Variants in SGMS2 observed in about 807,000 individuals in gnomAD.
SGMS2 encodes sphingomyelin synthase 2, also known as phosphatidylcholine:ceramide cholinephosphotransferase 2.
Under a neutral mutation model 43.8 loss-of-function variants are expected in SGMS2, and 21 were observed. That is an observed-to-expected ratio of 0.48 (90% CI 0.34 to 0.69). The LOEUF is 0.69. Ranked by LOEUF, SGMS2 falls within the 30% of genes least tolerant of loss-of-function variation. SGMS2 has a pLI of 0.01. For synonymous variants in SGMS2, 167 were observed against 160.6 expected, an observed-to-expected ratio of 1.04 and a Z score of -0.30; for missense variants, 384 against 443.2, an observed-to-expected ratio of 0.87 and a Z score of 1.20.
In SGMS2 at chr4:107,914,963, GT is replaced by G. The variant is rs1444568359; in HGVS notation, c.*4414del. 2.0e-5 allele frequency: 3 copies of G among 151,894 alleles called. No homozygotes were observed. The highest frequency in any genetic ancestry group is 1.3e-4 in the Admixed American group (2 of 15,236). 9.4% of individuals were successfully genotyped at this position (151,894 alleles called of 1,614,324 possible). On this transcript the variant is annotated 3_prime_UTR_variant, in exon 7 of 7. Coordinates refer to ENST00000690982, the MANE Select transcript of SGMS2 (RefSeq NM_001375905.1). ...GTGTACTTGGTTTCTAATCTCTTTG[GT>G]TTTGCTTTTTAAAAAATGCAAGAGC...
chr4:107,835,667 C>T (rs755657537), intron 1 of SGMS2, among the ~76,000 whole-genome samples: 2 of 152,170 alleles, frequency 1.3e-5, no homozygotes, highest in Non-Finnish European at 2.9e-5. Flanking sequence ...CCAGTATCTC[C>T]ATAACAGAAT....
rs760276923 is a variant in SGMS2 at position 107,879,466 on chromosome 4, AT to A, written c.-244-15832del. ...TAGAAATAATTTATCTTGATGGGCT[AT>A]TTTTTTTTTTTCGAGACCGAGTCTC... On this transcript the variant is annotated intron_variant, in intron 2 of 6. Transcript: ENST00000690982. 7.0e-4 allele frequency among the ~76,000 whole-genome samples: 73 copies of A among 103,748 alleles called. 1 individual carries two copies. Among genetic ancestry groups the A allele is most frequent in the East Asian group, 7.0e-4 (3 of 4,282 alleles). 68.1% of individuals were successfully genotyped at this position (103,748 alleles called of 152,430 possible). A position where few individuals can be genotyped will look rare whatever the true frequency, so the allele number is the denominator to read the frequency against.
At chr4:107,862,559 T>C (rs775247608) in intron 2 of SGMS2, among the ~76,000 whole-genome samples, 1 of 152,164 alleles carries the variant, frequency 6.6e-6, no homozygotes, top group Admixed American at 6.5e-5. Context: ...CAAAACTCTG[T>C]AGGAAAAATA....
At chr4:107,893,719 A>G (rs1730434612) in intron 2 of SGMS2, 1 of 152,206 alleles carries the variant, frequency 6.6e-6, no homozygotes, top group South Asian at 2.1e-4. Context: ...CTTATCCCCC[A>G]TTTCTCTACC....
intron 1 of SGMS2, among the ~76,000 whole-genome samples, chr4:107,832,222 C>T (rs1367233984): frequency 6.6e-6 from 1 of 152,144 alleles, no homozygotes; most frequent in Non-Finnish European, 1.5e-5. Context: ...AGTTCTTCTG[C>T]ATGAATGTCA....
chr4:107,873,459 G>A (rs568380823), intron 2 of SGMS2: 1 of 151,954 alleles, frequency 6.6e-6, no homozygotes, highest in Admixed American at 6.6e-5. Flanking sequence ...ATATACATAC[G>A]AGGGATATGA....
chr4:107,870,418 GA>G (rs1728479454), intron 2 of SGMS2, among the ~76,000 whole-genome samples: 1 of 152,144 alleles, frequency 6.6e-6, no homozygotes, highest in South Asian at 2.1e-4. Context: ...CGTTTACTGT[GA>G]TAAGAAATGG....
At chr4:107,861,160 T>C (rs990892811) in intron 2 of SGMS2, among the ~76,000 whole-genome samples, 1 of 152,208 alleles carries the variant, frequency 6.6e-6, no homozygotes, top group Non-Finnish European at 1.5e-5. Context: ...TCTCAGGGTA[T>C]ACAAATGCAG....
intron 2 of SGMS2, among the ~76,000 whole-genome samples, chr4:107,878,073 G>A (rs530440621): frequency 1.3e-5 from 2 of 151,896 alleles, no homozygotes; most frequent in Admixed American, 1.3e-4. Flanking sequence ...GCACCACCAT[G>A]CCCGGCTAAC....
At chr4:107,908,820 G>A in intron 6 of SGMS2, 89 bp downstream of exon 6, 1 of 1,171,732 alleles carries the variant, frequency 8.5e-7, no homozygotes, top group Non-Finnish European at 1.2e-6. Flanking sequence ...AGCCTAATGG[G>A]GATAACCGAT....
At position 107,896,187 on chromosome 4, in the gene SGMS2, GTGTT is replaced by G. The variant is rs570593295; in HGVS notation, c.455+182_455+185del. ...AATAAATTCAGTCACTATTCAGTAA[GTGTT>G]TGATGAGCAACTGTGTATGAAAGTG... On this transcript the variant is annotated intron_variant, in intron 3 of 6. Transcript: ENST00000690982. 5.2e-4 allele frequency among the ~76,000 whole-genome samples: 79 copies of G among 152,300 alleles called. 1 individual carries two copies. Among genetic ancestry groups the G allele is most frequent in the Admixed American group, 4.5e-3 (69 of 15,290 alleles).
intron 2 of SGMS2, among the ~76,000 whole-genome samples, chr4:107,875,167 G>A (rs1728816081): frequency 1.3e-5 from 2 of 152,122 alleles, no homozygotes; most frequent in Non-Finnish European, 2.9e-5. Context: ...TGGAAAAACA[G>A]CCCTGCATAA....
At chr4:107,839,322 T>C (rs911974435) in intron 1 of SGMS2, among the ~76,000 whole-genome samples, 1 of 152,130 alleles carries the variant, frequency 6.6e-6, no homozygotes, top group Non-Finnish European at 1.5e-5. Flanking sequence ...TTTTAACAAC[T>C]TCCCCCTGCT....
At chr4:107,898,262 T>TG (rs1730836225) in intron 3 of SGMS2, among the ~76,000 whole-genome samples, 1 of 38,226 alleles carries the variant, frequency 2.6e-5, no homozygotes, top group Non-Finnish European at 9.8e-5. Flanking sequence ...TGTTCCCTTC[T>TG]ATTTTTTTTT....
Position 107,824,993 on chromosome 4 carries a change from C to G in SGMS2, c.-587C>G, listed in dbSNP as rs982378302. On this transcript the variant is annotated 5_prime_UTR_variant, in exon 1 of 7. Transcript: ENST00000690982. Reference sequence around the variant, plus strand: ...GACCCAGCCCTCGGCGCGCACGGAGCCTGGCCGGTGCTGCAGCGCCGCCGA... The same window carrying G: ...GACCCAGCCCTCGGCGCGCACGGAGGCTGGCCGGTGCTGCAGCGCCGCCGA... 1.8e-4 allele frequency: 27 copies of G among 151,506 alleles called. No homozygotes were observed. Among genetic ancestry groups the G allele is most frequent in the African/African-American group, 6.5e-4 (27 of 41,314 alleles). 9.4% of individuals were successfully genotyped at this position (151,506 alleles called of 1,614,324 possible).
intron 1 of SGMS2, among the ~76,000 whole-genome samples, chr4:107,839,440 T>G (rs1222702131): frequency 3.3e-5 from 5 of 152,124 alleles, no homozygotes; most frequent in African/African-American, 1.2e-4. Flanking sequence ...ATCCTCCTGT[T>G]GCAACACCCC....
chr4:107,883,917 A>T (rs1252122329), intron 2 of SGMS2, among the ~76,000 whole-genome samples: 1 of 152,172 alleles, frequency 6.6e-6, no homozygotes, highest in Non-Finnish European at 1.5e-5. Flanking sequence ...TCCTACCATG[A>T]TTTGTCTTTA....
At chr4:107,826,901 A>G (rs1433178769) in intron 1 of SGMS2, among the ~76,000 whole-genome samples, 2 of 152,240 alleles carry the variant, frequency 1.3e-5, no homozygotes, top group African/African-American at 4.8e-5. Flanking sequence ...AGGGTGAAAG[A>G]TCTGGGAGCT....
At chr4:107,877,491 G>A (rs992323144) in intron 2 of SGMS2, among the ~76,000 whole-genome samples, 2 of 152,160 alleles carry the variant, frequency 1.3e-5, no homozygotes, top group Admixed American at 6.5e-5. Flanking sequence ...TGTTCAGTTA[G>A]GCTGTTATAT....
Sources: allele counts gnomAD v4.1 joint callset (sites outside exome capture counted in the v4.1 genomes callset), GRCh38; gene constraint gnomAD v4.1.1; transcripts MANE v1.5; gene names NCBI Gene and HGNC (gene_info 2026-07-23, HGNC 2026-07-21).